Variants in SRGAP3 observed in about 807,000 individuals in gnomAD.
SRGAP3 encodes SLIT-ROBO Rho GTPase activating protein 3, also known as SLIT-ROBO Rho GTPase-activating protein 3.
SRGAP3 carries 39 observed loss-of-function variants against 121.1 expected under a neutral mutation model. The observed-to-expected ratio is 0.32, with a 90% confidence interval of 0.25 to 0.42. The LOEUF (loss-of-function observed/expected upper bound fraction) is 0.42. SRGAP3 is among the 10% of genes least tolerant of loss of function. The pLI is 1.00. For synonymous variants in SRGAP3, 601 were observed against 570.0 expected (o/e 1.05, Z -0.77); for missense variants, 1,213 against 1,470.6 (o/e 0.82, Z 2.86).
intron 18 of SRGAP3, among the ~76,000 whole-genome samples, chr3:8,995,372 G>A (rs961509182): frequency 2.6e-5 from 4 of 152,080 alleles, no homozygotes; most frequent in Non-Finnish European, 4.4e-5. Context: ...GCTACTCTAG[G>A]GCCCGAGGCA....
chr3:8,988,991 G>A (rs1941887420), intron 21 of SRGAP3, among the ~76,000 whole-genome samples: 1 of 152,128 alleles, frequency 6.6e-6, no homozygotes, highest in Non-Finnish European at 1.5e-5. Flanking sequence ...GGGGGCTGGG[G>A]GTGCCTGCTT....
At chr3:9,286,740 C>T (rs1180372797) in intron 3 of SRGAP3, among the ~76,000 whole-genome samples, 26 of 149,604 alleles carry the variant, frequency 1.7e-4, no homozygotes, top group Non-Finnish European at 1.5e-5. Context: ...GTAGCTGGGA[C>T]TACAGGCGCC....
chr3:9,279,635 T>C (rs1055139449), intron 3 of SRGAP3, among the ~76,000 whole-genome samples: 6 of 148,286 alleles, frequency 4.0e-5, no homozygotes, highest in Non-Finnish European at 8.9e-5. Context: ...TGCCTCAGCC[T>C]CCCGAGTACC....
chr3:8,994,518 C>A lies in SRGAP3; in HGVS notation c.2233G>T (p.Glu745Ter). Reference protein sequence around the residue: ...TEPHTSDEEVEQIEAIAKFDY... With the variant: ...TEPHTSDEEV The stretch of plus-strand genomic sequence containing the variant: ...AACTTGGCAATAGCCTCGATCTGCT[C>A]CACTTCTGGAAGGAAATCAAGGGAA... The change falls in exon 19 of 22, where the codon GAG becomes TAG. Residue 745 changes from glutamate (E) to a stop codon, truncating the protein, a stop_gained. Coordinates refer to ENST00000383836, the MANE Select transcript of SRGAP3 (RefSeq NM_014850.4). LOFTEE classifies it high-confidence loss of function. 6.2e-7 allele frequency: 1 copy of A among 1,613,592 alleles called. No homozygotes were observed. The highest frequency in any genetic ancestry group is 1.1e-5 in the South Asian group (1 of 91,076).
chr3:9,277,036 T>C (rs1574965615), intron 3 of SRGAP3, among the ~76,000 whole-genome samples: 2 of 152,346 alleles, frequency 1.3e-5, no homozygotes, highest in African/African-American at 4.8e-5. Flanking sequence ...TTAACCTCTG[T>C]GTGCCTCATT....
At chr3:9,358,735 T>G (rs1289467438) in intron 1 of SRGAP3, among the ~76,000 whole-genome samples, 1 of 152,168 alleles carries the variant, frequency 6.6e-6, no homozygotes, top group African/African-American at 2.4e-5. Flanking sequence ...CCTCTTTGGG[T>G]TCAATTGATT....
At chr3:8,994,192 G>A (rs887208727) in intron 19 of SRGAP3, 151 bp downstream of exon 19, 1 of 1,010,908 alleles carries the variant, frequency 9.9e-7, no homozygotes, top group Non-Finnish European at 1.5e-6. Flanking sequence ...TTAAAGGGAA[G>A]TTAGATATTA....
chr3:9,084,636 T>C (rs1387177206), intron 3 of SRGAP3, among the ~76,000 whole-genome samples: 1 of 152,160 alleles, frequency 6.6e-6, no homozygotes, highest in African/African-American at 2.4e-5. Context: ...GCCAAAAGCA[T>C]CCTAAGGGAT....
At chr3:9,311,926 C>T (rs1000206219) in intron 3 of SRGAP3, among the ~76,000 whole-genome samples, 2 of 152,206 alleles carry the variant, frequency 1.3e-5, no homozygotes, top group African/African-American at 4.8e-5. Context: ...TGTAACACTC[C>T]ACTATTTCTA....
intron 3 of SRGAP3, among the ~76,000 whole-genome samples, chr3:9,102,542 T>G (rs930091755): frequency 5.3e-5 from 8 of 152,206 alleles, no homozygotes; most frequent in Admixed American, 3.9e-4. Flanking sequence ...GGAACTATTA[T>G]TATGTAAAGA....
chr3:9,131,237 G>A (rs969151835), intron 1 of SRGAP3, among the ~76,000 whole-genome samples: 1 of 152,022 alleles, frequency 6.6e-6, no homozygotes, highest in East Asian at 1.9e-4. Context: ...TCCCCCCCGG[G>A]GGACAGTTCC....
rs935318656 is a variant in SRGAP3, at chr3:9,204,648, G to T, written c.67+44237C>A. Among the ~76,000 whole-genome samples the T allele has an allele frequency of 1.3e-3, 79 of 60,834 alleles. No homozygotes were observed. In the Admixed American group the frequency reaches 0.016, roughly 12 times the overall value. The allele number at this position is 60,834 out of a possible 152,430, so 39.9% of individuals were successfully genotyped here. A position where few individuals can be genotyped will look rare whatever the true frequency, so the allele number is the denominator to read the frequency against. On this transcript the variant is annotated intron_variant, in intron 1 of 21. Transcript: ENST00000383836. Reference sequence around the variant, plus strand: ...CAAACGAGGTACCAACTCTCCCTAAGGTCTTTTTTTTTTTTAAGTCCTAAG... The same window carrying T: ...CAAACGAGGTACCAACTCTCCCTAATGTCTTTTTTTTTTTTAAGTCCTAAG...
intron 3 of SRGAP3, among the ~76,000 whole-genome samples, chr3:9,102,530 CG>C (rs977604111): frequency 6.6e-6 from 1 of 152,140 alleles, no homozygotes; most frequent in Non-Finnish European, 1.5e-5. Flanking sequence ...TTGAGGTCTG[CG>C]GGAACTATTA....
intron 7 of SRGAP3, among the ~76,000 whole-genome samples, 173 bp from the exon 8 acceptor site, chr3:9,056,507 C>G (rs1416716520): frequency 6.6e-6 from 1 of 152,202 alleles, no homozygotes; most frequent in African/African-American, 2.4e-5. Flanking sequence ...GCAACCAATG[C>G]CAGATGAGAA....
chr3:9,253,236 A>C (rs1473428699), upstream of SRGAP3, among the ~76,000 whole-genome samples: 4 of 152,244 alleles, frequency 2.6e-5, no homozygotes, highest in African/African-American at 9.7e-5. Context: ...CCAAGGACTT[A>C]AACAGTGCAC....
intron 1 of SRGAP3, among the ~76,000 whole-genome samples, chr3:9,147,651 T>C (rs1950071550): frequency 1.3e-5 from 2 of 152,094 alleles, no homozygotes; most frequent in African/African-American, 4.8e-5. Context: ...GAATGATTCA[T>C]GAGAGAGGAA....
At chr3:9,127,040 A>T (rs1409365055) in intron 1 of SRGAP3, among the ~76,000 whole-genome samples, 1 of 152,198 alleles carries the variant, frequency 6.6e-6, no homozygotes, top group Non-Finnish European at 1.5e-5. Context: ...TGCTACTCAA[A>T]GTGTGGTCCA....
At chr3:9,103,488 G>A (rs1293281978) in intron 3 of SRGAP3, among the ~76,000 whole-genome samples, 2 of 152,136 alleles carry the variant, frequency 1.3e-5, no homozygotes, top group African/African-American at 4.8e-5. Flanking sequence ...TGAGGAAACT[G>A]AGGCACAGAG....
chr3:9,258,373 G>A (rs1005058021), intron 3 of SRGAP3, among the ~76,000 whole-genome samples: 3 of 152,160 alleles, frequency 2.0e-5, no homozygotes, highest in Non-Finnish European at 4.4e-5. Context: ...GGCAGAGAGT[G>A]GGAGAGGTGA....
Sources: allele counts gnomAD v4.1 joint callset (sites outside exome capture counted in the v4.1 genomes callset), GRCh38; gene constraint gnomAD v4.1.1; transcripts MANE v1.5; gene names NCBI Gene and HGNC (gene_info 2026-07-23, HGNC 2026-07-21).